PDE10A: variants seen among roughly 807,000 people sequenced by gnomAD.
The protein encoded by PDE10A is cAMP and cAMP-inhibited cGMP 3',5'-cyclic phosphodiesterase 10A.
PDE10A carries 39 observed loss-of-function variants against 97.7 expected under a neutral mutation model. The ratio of observed to expected loss-of-function variants is 0.40; its 90% CI spans 0.31 to 0.52. The LOEUF (loss-of-function observed/expected upper bound fraction) is 0.52, where lower values mean the gene tolerates loss of function less well. Among genes scored for constraint, PDE10A ranks in the 20% least tolerant of loss-of-function variants. The pLI, the probability that PDE10A is intolerant of heterozygous loss-of-function variation, is 0.56. For missense variants in PDE10A, 731 were observed against 1,047.8 expected (o/e 0.70, Z 4.17); for synonymous variants, 371 against 376.8 (o/e 0.98, Z 0.18).
At chr6:165,555,088 A>T (rs1784187509) in intron 1 of PDE10A, among the ~76,000 whole-genome samples, 1 of 152,180 alleles carries the variant, frequency 6.6e-6, no homozygotes. Context: ...GAACAAGTGA[A>T]TAAGACCTAC....
chr6:165,533,425 T>C (rs573757664), intron 2 of PDE10A, among the ~76,000 whole-genome samples: 1 of 152,274 alleles, frequency 6.6e-6, no homozygotes, highest in Admixed American at 6.5e-5. Context: ...TACTGAATAC[T>C]GTAGGTAGCT....
At chr6:165,976,935 G>C (rs758706679) in intron 1 of PDE10A, among the ~76,000 whole-genome samples, 1 of 152,186 alleles carries the variant, frequency 6.6e-6, no homozygotes, top group Non-Finnish European at 1.5e-5. Context: ...CCTTGGAATC[G>C]CACCCTCTGC....
At chr6:165,932,485 A>G (rs540149430) in intron 1 of PDE10A, among the ~76,000 whole-genome samples, 2 of 152,170 alleles carry the variant, frequency 1.3e-5, no homozygotes, top group South Asian at 4.2e-4. Flanking sequence ...ACAGCCATGC[A>G]CCACCATGCC....
intron 1 of PDE10A, among the ~76,000 whole-genome samples, chr6:165,673,056 T>C (rs1315685155): frequency 6.7e-6 from 1 of 150,348 alleles, no homozygotes; most frequent in African/African-American, 2.5e-5. Context: ...CTCCTAGCAG[T>C]TCAACCTAAC....
chr6:165,967,174 G>A (rs1033408952), intron 1 of PDE10A, among the ~76,000 whole-genome samples: 5 of 152,178 alleles, frequency 3.3e-5, no homozygotes, highest in African/African-American at 1.2e-4. Flanking sequence ...CAATATTTGA[G>A]ACAAAGGGAA....
intron 8 of PDE10A, among the ~76,000 whole-genome samples, chr6:165,430,667 T>G (rs149542845): frequency 1.3e-5 from 2 of 152,258 alleles, no homozygotes; most frequent in African/African-American, 4.8e-5. Context: ...AGCATTCAGG[T>G]CTGGATAGTC....
intron 1 of PDE10A, among the ~76,000 whole-genome samples, chr6:165,561,737 G>A (rs1169694004): frequency 6.6e-6 from 1 of 152,154 alleles, no homozygotes; most frequent in African/African-American, 2.4e-5. Flanking sequence ...AGAGCAGATA[G>A]TTTTCTCCCA....
intron 1 of PDE10A, chr6:165,754,281 A>G (rs1163288630): frequency 1.3e-5 from 2 of 152,192 alleles, no homozygotes; most frequent in Non-Finnish European, 2.9e-5. Context: ...TTACTAAGTG[A>G]CTGTGGAGCA....
At chr6:165,829,048 G>T (rs1266774894) in intron 1 of PDE10A, among the ~76,000 whole-genome samples, 1 of 152,210 alleles carries the variant, frequency 6.6e-6, no homozygotes, top group Non-Finnish European at 1.5e-5. Flanking sequence ...CAGATGAAGT[G>T]TTGGGGTCCC....
intron 2 of PDE10A, among the ~76,000 whole-genome samples, chr6:165,486,424 C>T (rs1224184418): frequency 1.3e-5 from 2 of 152,160 alleles, no homozygotes; most frequent in African/African-American, 4.8e-5. Flanking sequence ...GTACTACATA[C>T]TAAACAATTG....
Position 165,413,659 on chromosome 6 carries a change from T to C in PDE10A, c.1918A>G (p.Thr640Ala). Residue 640 changes from threonine (T) to alanine (A), a missense_variant, in exon 13 of 22, where the codon ACG becomes GCG. Thr to Ala is a moderately conservative substitution (Grantham distance 58). Transcript: ENST00000539869. The stretch of plus-strand genomic sequence containing the variant: ...ATGGGCATGCACAGGATGTTCCGCG[T>C]GGTGTAGCCTGTGTACAAGTCTACT... ...REVDLYTGYT[T>A]RNILCMPIVS... The C allele has an allele frequency of 6.2e-7, 1 of 1,614,048 alleles. No individual in the cohort carries two copies. Among genetic ancestry groups the C allele is most frequent in the Non-Finnish European group, 8.5e-7 (1 of 1,179,966 alleles).
intron 1 of PDE10A, among the ~76,000 whole-genome samples, chr6:165,604,367 C>T (rs76510607): frequency 0.12 from 18,415 of 151,876 alleles, 1,155 homozygotes; most frequent in Non-Finnish European, 0.14. Context: ...TTTGATACCC[C>T]ACAAATACTC....
At chr6:165,448,850 CGGTT>C in intron 5 of PDE10A, 74 bp downstream of exon 5, 2 of 842,038 alleles carry the variant, frequency 2.4e-6, no homozygotes, top group South Asian at 3.2e-5. Context: ...CATGAAATGT[CGGTT>C]GTTTATAACT....
At chr6:165,425,752 A>G (rs1263998979) in intron 10 of PDE10A, among the ~76,000 whole-genome samples, 1 of 142,956 alleles carries the variant, frequency 7.0e-6, no homozygotes, top group Non-Finnish European at 1.5e-5. Context: ...AACTGTCTCT[A>G]ATTATAGAAG....
At chr6:165,605,515 A>T (rs1787164459) in intron 1 of PDE10A, among the ~76,000 whole-genome samples, 2 of 152,116 alleles carry the variant, frequency 1.3e-5, no homozygotes, top group South Asian at 4.1e-4. Context: ...CTCCAATCAG[A>T]GTTAAAATTA....
chr6:165,687,554 G>GT (rs1791155444), intron 1 of PDE10A, among the ~76,000 whole-genome samples: 1 of 152,308 alleles, frequency 6.6e-6, no homozygotes, highest in African/African-American at 2.4e-5. Flanking sequence ...CTGACTCTCA[G>GT]TATTTGGATA....
At chr6:165,844,793 TG>T (rs1562764957) in intron 1 of PDE10A, among the ~76,000 whole-genome samples, 1 of 152,184 alleles carries the variant, frequency 6.6e-6, no homozygotes. Context: ...CCAGCATCAT[TG>T]GGTAGAGGAA....
chr6:165,845,569 G>T (rs533883634), intron 1 of PDE10A, among the ~76,000 whole-genome samples: 2 of 152,210 alleles, frequency 1.3e-5, no homozygotes, highest in Admixed American at 1.3e-4. Flanking sequence ...GTGCTAATCA[G>T]TTCTGTTGGA....
At chr6:165,333,889 A>G (rs920853829) in intron 21 of PDE10A, among the ~76,000 whole-genome samples, 12 of 152,226 alleles carry the variant, frequency 7.9e-5, no homozygotes, top group Non-Finnish European at 1.8e-4. Flanking sequence ...GAATCTTGGC[A>G]TTGGGAAATA....
Sources: gnomAD v4.1 joint callset for allele counts (sites outside exome capture counted in the v4.1 genomes callset) on GRCh38, gnomAD v4.1.1 for gene constraint, MANE v1.5 for transcripts, NCBI Gene and HGNC (gene_info 2026-07-23, HGNC 2026-07-21) for gene names.